The following LRRTM3 variants were observed in gnomAD, a reference collection of about 807,000 sequenced individuals.
LRRTM3 encodes the protein leucine-rich repeat transmembrane neuronal protein 3.
Under a neutral mutation model 44.7 loss-of-function variants are expected in LRRTM3, and 24 were observed. The observed-to-expected ratio is 0.54, with a 90% CI of 0.39 to 0.76. The LOEUF (loss-of-function observed/expected upper bound fraction) is 0.76. LRRTM3 is among the 30% of genes least tolerant of loss of function. The pLI, the probability that LRRTM3 is intolerant of heterozygous loss-of-function variation, is 0.00. For missense variants in LRRTM3, 587 were observed against 702.2 expected (o/e 0.84, Z 1.85); for synonymous variants, 277 against 278.7 (o/e 0.99, Z 0.06).
At position 66,928,570 on chromosome 10, in the gene LRRTM3, A is replaced by C; in HGVS notation, c.1536+118A>C. On this transcript the variant is annotated intron_variant, in intron 2 of 2. Transcript: ENST00000361320. ...CCCCCTCCCCTTCCCTCTCCCTCTC[A>C]CTTTGCTGGCAAGATCCTTCCTTGT... 7.6e-6 allele frequency: 7 copies of C among 915,122 alleles called. No individual in the cohort carries two copies. In the East Asian group the frequency reaches 1.9e-4, roughly 24 times the overall value. The allele number at this position is 915,122 out of a possible 1,614,324, so 56.7% of individuals were successfully genotyped here.
At chr10:67,005,583 T>C (rs1377858644) in intron 2 of LRRTM3, among the ~76,000 whole-genome samples, 3 of 150,868 alleles carry the variant, frequency 2.0e-5, no homozygotes, top group Non-Finnish European at 3.0e-5. Context: ...TGAATATATC[T>C]GATGAATCGG....
rs1418527222 is a variant in LRRTM3, at chr10:67,100,746, A to G, written c.*2950A>G. On this transcript the variant is annotated 3_prime_UTR_variant, in exon 3 of 3. Coordinates refer to ENST00000361320, the MANE Select transcript of LRRTM3 (RefSeq NM_178011.5). ...TTTTGAAGTTCACAAACCACATTTT[A>G]CATAAATTATCTCATTTTGTCTTCA... 1.3e-5 allele frequency among the ~76,000 whole-genome samples: 2 copies of G among 151,768 alleles called. No individual in the cohort carries two copies. The highest frequency in any genetic ancestry group is 2.9e-5 in the Non-Finnish European group (2 of 67,816).
chr10:67,092,050 T>G (rs748810702), intron 2 of LRRTM3, among the ~76,000 whole-genome samples: 3 of 150,712 alleles, frequency 2.0e-5, no homozygotes, highest in Admixed American at 1.3e-4. Flanking sequence ...CGCCTCTGAA[T>G]TTCAAGATAA....
intron 2 of LRRTM3, among the ~76,000 whole-genome samples, chr10:66,991,981 G>A (rs574309972): frequency 1.8e-4 from 28 of 152,086 alleles, no homozygotes; most frequent in Non-Finnish European, 3.4e-4. Context: ...TTCTTTCACC[G>A]TATAAATCCC....
chr10:66,977,607 T>A (rs1292959539), intron 2 of LRRTM3, among the ~76,000 whole-genome samples: 1 of 152,202 alleles, frequency 6.6e-6, no homozygotes, highest in Non-Finnish European at 1.5e-5. Context: ...AGCATTCCTA[T>A]CTAAAGAGCT....
At chr10:67,043,735 A>T (rs1854552649) in intron 2 of LRRTM3, among the ~76,000 whole-genome samples, 1 of 151,966 alleles carries the variant, frequency 6.6e-6, no homozygotes, top group Admixed American at 6.6e-5. Context: ...TTCATCTATC[A>T]TTGGTATTTG....
At position 66,927,006 on chromosome 10, in the gene LRRTM3, C is replaced by G. The variant is rs914562544; in HGVS notation, c.90C>G (p.Ala30=). 3 of 1,614,018 alleles carry G rather than the reference C, an allele frequency of 1.9e-6. No homozygotes were observed. The East Asian group carries it at 6.7e-5, about 36-fold the overall frequency. The part of the protein sequence containing the change: ...PTVLLTMLSS[A]ERGCPKGCRC... Reference sequence around the variant, plus strand: ...TCTTACTGACAATGCTTTCTTCTGCCGAACGAGGATGCCCTAAGGGCTGTA... The same window carrying G: ...TCTTACTGACAATGCTTTCTTCTGCGGAACGAGGATGCCCTAAGGGCTGTA... The change falls in exon 2 of 3, where the codon GCC becomes GCG. Residue 30 remains alanine (A), a synonymous_variant. Transcript: ENST00000361320. The surrounding 1 kb of genome is among the most constrained non-coding windows in gnomAD (Gnocchi z 4.7).
chr10:67,022,529 T>TGA (rs1250887583), intron 2 of LRRTM3, among the ~76,000 whole-genome samples: 1 of 152,208 alleles, frequency 6.6e-6, no homozygotes, highest in Non-Finnish European at 1.5e-5. Flanking sequence ...AGGAAGGTCA[T>TGA]GAATTTTAAC....
chr10:66,932,660 A>G (rs1276054224), intron 2 of LRRTM3, among the ~76,000 whole-genome samples: 1 of 150,244 alleles, frequency 6.7e-6, no homozygotes, highest in East Asian at 2.0e-4. Context: ...GATGGATGTT[A>G]AATAGTTTGT....
intron 2 of LRRTM3, among the ~76,000 whole-genome samples, chr10:67,083,348 G>T (rs1229109017): frequency 6.6e-6 from 1 of 151,698 alleles, no homozygotes; most frequent in African/African-American, 2.4e-5. Flanking sequence ...GTTCCAATCA[G>T]TTATTCAATG....
At chr10:67,085,407 G>A (rs1279807409) in intron 2 of LRRTM3, among the ~76,000 whole-genome samples, 1 of 151,298 alleles carries the variant, frequency 6.6e-6, no homozygotes, top group Non-Finnish European at 1.5e-5. Flanking sequence ...AAAAATGAGA[G>A]GGACTAAAAG....
At chr10:66,933,081 G>T (rs1847499303) in intron 2 of LRRTM3, among the ~76,000 whole-genome samples, 1 of 152,176 alleles carries the variant, frequency 6.6e-6, no homozygotes, top group Admixed American at 6.5e-5. Context: ...ACTCTAAAAT[G>T]GCAACTACCT....
chr10:67,095,087 T>C (rs1857902749), intron 2 of LRRTM3, among the ~76,000 whole-genome samples: 1 of 151,390 alleles, frequency 6.6e-6, no homozygotes, highest in South Asian at 2.1e-4. Flanking sequence ...TATATACACA[T>C]GGGTATATAT....
At chr10:66,978,431 G>T (rs1233297070) in intron 2 of LRRTM3, among the ~76,000 whole-genome samples, 1 of 148,988 alleles carries the variant, frequency 6.7e-6, no homozygotes, top group Non-Finnish European at 1.5e-5. Context: ...GGAGGCTGAG[G>T]CAGGAGAATC....
intron 2 of LRRTM3, among the ~76,000 whole-genome samples, chr10:66,962,691 G>A (rs571264724): frequency 6.6e-6 from 1 of 152,122 alleles, no homozygotes; most frequent in South Asian, 2.1e-4. Flanking sequence ...GATTACAGGC[G>A]TGAGCCACCG....
chr10:67,015,158 T>G (rs914844265), intron 2 of LRRTM3: 2 of 152,170 alleles, frequency 1.3e-5, no homozygotes, highest in Admixed American at 1.3e-4. Flanking sequence ...TGATACCTCT[T>G]CCAATATTAC....
chr10:66,977,383 C>T (rs1385636186), intron 2 of LRRTM3, among the ~76,000 whole-genome samples: 1 of 151,596 alleles, frequency 6.6e-6, no homozygotes, highest in African/African-American at 2.4e-5. Flanking sequence ...TTGCAGTGAG[C>T]CAAGATCACG....
At chr10:67,045,024 A>G (rs1423963254) in intron 2 of LRRTM3, among the ~76,000 whole-genome samples, 1 of 152,210 alleles carries the variant, frequency 6.6e-6, no homozygotes, top group Non-Finnish European at 1.5e-5. Context: ...TAATCCCCCC[A>G]GGTTCCCAAT....
chr10:66,979,118 C>G (rs1192342181), intron 2 of LRRTM3, among the ~76,000 whole-genome samples: 2 of 151,920 alleles, frequency 1.3e-5, no homozygotes, highest in African/African-American at 2.4e-5. Flanking sequence ...GCACCCACCA[C>G]CACACCTGGC....
Sources: allele counts gnomAD v4.1 joint callset (sites outside exome capture counted in the v4.1 genomes callset), GRCh38; gene constraint gnomAD v4.1.1; non-coding constraint Gnocchi (gnomAD v3.1); transcripts MANE v1.5; gene names NCBI Gene and HGNC (gene_info 2026-07-23, HGNC 2026-07-21).